Variants in FREM1 observed in about 807,000 individuals in gnomAD.
FREM1 encodes the protein FRAS1 related extracellular matrix 1, also known as FRAS1-related extracellular matrix protein 1.
In FREM1, 220 loss-of-function variants were observed where a neutral mutation model predicts 210.1. The observed-to-expected ratio is 1.05, with a 90% CI of 0.94 to 1.17. FREM1 has a LOEUF of 1.17. Among genes scored for constraint, FREM1 ranks in the 50% most tolerant of loss-of-function variants. The pLI is 0.00. For missense variants in FREM1, 3,454 were observed against 2,675.5 expected, an observed-to-expected ratio of 1.29 and a Z score of -6.42; for synonymous variants, 1,189 against 980.2, an observed-to-expected ratio of 1.21 and a Z score of -3.98.
intron 1 of FREM1, among the ~76,000 whole-genome samples, chr9:14,869,624 TC>T (rs1832215249): frequency 2.0e-5 from 3 of 152,184 alleles, no homozygotes; most frequent in African/African-American, 7.2e-5. Context: ...AGGATTATAA[TC>T]TAATTTTTTT....
intron 1 of FREM1, among the ~76,000 whole-genome samples, chr9:14,871,185 G>A (rs1332868258): frequency 6.6e-6 from 1 of 152,134 alleles, no homozygotes; most frequent in African/African-American, 2.4e-5. Context: ...TGGGATGGCT[G>A]GGTCAAATGG....
intron 8 of FREM1, among the ~76,000 whole-genome samples, chr9:14,844,032 T>C (rs1020741576): frequency 1.3e-5 from 2 of 152,196 alleles, no homozygotes; most frequent in Non-Finnish European, 2.9e-5. Context: ...AAAGTTGATA[T>C]GAGATAACAA....
At chr9:14,798,908 A>T (rs1852964438) in intron 20 of FREM1, among the ~76,000 whole-genome samples, 1 of 151,870 alleles carries the variant, frequency 6.6e-6, no homozygotes, top group Non-Finnish European at 1.5e-5. Context: ...TCCTGACCTC[A>T]AGTGATCCAC....
At chr9:14,759,601 G>A (rs530733415) in intron 28 of FREM1, among the ~76,000 whole-genome samples, 171 bp downstream of exon 28, 2 of 151,914 alleles carry the variant, frequency 1.3e-5, no homozygotes, top group East Asian at 3.9e-4. Context: ...GAACTTAGAT[G>A]ATGGATGGAG....
Position 14,737,636 on chromosome 9 carries a change from G to A in FREM1, c.6341-41C>T, listed in dbSNP as rs77892240. 2,327 of 1,391,798 alleles carry A rather than the reference G, an allele frequency of 1.7e-3. 18 individuals carry two copies. The African/African-American group carries it at 0.026, about 16-fold the overall frequency. The allele number at this position is 1,391,798 out of a possible 1,614,324, so 86.2% of individuals were successfully genotyped here. A position where few individuals can be genotyped will look rare whatever the true frequency, so the allele number is the denominator to read the frequency against. The stretch of plus-strand genomic sequence containing the variant: ...AGAATGTACCAATTACTTTTATTGC[G>A]TTTATACTTAGATATCATATCCAGC... On this transcript the variant is annotated intron_variant, in intron 36 of 36. Coordinates refer to ENST00000380880, the MANE Select transcript of FREM1 (RefSeq NM_001379081.2).
At chr9:14,807,903 C>T (rs1450098737) in intron 17 of FREM1, 37 bp downstream of exon 17, 1 of 1,460,118 alleles carries the variant, frequency 6.8e-7, no homozygotes, top group Non-Finnish European at 9.6e-7. Flanking sequence ...GACACTAGGT[C>T]AGACAATAGT....
intron 22 of FREM1, among the ~76,000 whole-genome samples, chr9:14,792,266 ACACACG>A (rs1851508813): frequency 9.9e-6 from 1 of 100,926 alleles, no homozygotes; most frequent in Non-Finnish European, 2.0e-5. Context: ...ACACCCACAC[ACACACG>A]CACACACACA....
At chr9:14,871,860 C>T (rs913459836) in intron 1 of FREM1, among the ~76,000 whole-genome samples, 2 of 152,142 alleles carry the variant, frequency 1.3e-5, no homozygotes, top group Non-Finnish European at 2.9e-5. Context: ...AGGACGGGAT[C>T]CAGTTTCAGC....
chr9:14,782,224 G>A, intron 24 of FREM1: 1 of 312,888 alleles, frequency 3.2e-6, no homozygotes, highest in Non-Finnish European at 4.6e-6. Flanking sequence ...TGAGGATCCA[G>A]AAATGTAGAA....
At chr9:14,853,601 C>G (rs1828160355) in intron 5 of FREM1, among the ~76,000 whole-genome samples, 1 of 152,164 alleles carries the variant, frequency 6.6e-6, no homozygotes, top group African/African-American at 2.4e-5. Flanking sequence ...AGATCCCTCT[C>G]TCCCATTCCC....
At chr9:14,753,812 C>A (rs1843794013) in intron 29 of FREM1, among the ~76,000 whole-genome samples, 1 of 152,162 alleles carries the variant, frequency 6.6e-6, no homozygotes, top group Non-Finnish European at 1.5e-5. Context: ...TTTCAGTTTG[C>A]AAAACTGCTT....
intron 10 of FREM1, among the ~76,000 whole-genome samples, chr9:14,828,638 C>G (rs373652663): frequency 2.5e-3 from 187 of 74,786 alleles, no homozygotes; most frequent in Middle Eastern, 6.3e-3. Flanking sequence ...TAAATTGTGG[C>G]GGGGCGGGGG....
intron 1 of FREM1, among the ~76,000 whole-genome samples, chr9:14,902,180 CT>C (rs1333394331): frequency 7.2e-5 from 11 of 152,184 alleles, no homozygotes; most frequent in African/African-American, 2.7e-4. Flanking sequence ...ACTTCCATCA[CT>C]CCTGGACAAG....
chr9:14,854,052 G>A (rs1156229455), intron 5 of FREM1, among the ~76,000 whole-genome samples: 2 of 152,124 alleles, frequency 1.3e-5, no homozygotes, highest in Non-Finnish European at 2.9e-5. Flanking sequence ...CAGGAGAAAG[G>A]ATCAATTGGA....
At chr9:14,787,438 C>G (rs1256012844) in intron 23 of FREM1, among the ~76,000 whole-genome samples, 2 of 152,160 alleles carry the variant, frequency 1.3e-5, no homozygotes, top group South Asian at 4.1e-4. Flanking sequence ...GCAGCAGAGT[C>G]TGGCAACGCA....
intron 5 of FREM1, among the ~76,000 whole-genome samples, chr9:14,854,174 T>G (rs2131446891): frequency 6.6e-6 from 1 of 152,162 alleles, no homozygotes; most frequent in Non-Finnish European, 1.5e-5. Flanking sequence ...TAAGTCCAAA[T>G]AAAACATCAA....
At chr9:14,745,197 C>G (rs539557167) in intron 35 of FREM1, among the ~76,000 whole-genome samples, 58 of 152,260 alleles carry the variant, frequency 3.8e-4, no homozygotes, top group African/African-American at 1.3e-3. Context: ...GAAATAATCT[C>G]TACAACAAAC....
intron 22 of FREM1, 43 bp from the exon 23 acceptor site, chr9:14,789,157 T>A (rs1850888446): frequency 7.1e-7 from 1 of 1,413,936 alleles, no homozygotes; most frequent in African/African-American, 1.4e-5. Context: ...GGTTTTTTCT[T>A]TTCCCCCAAC....
chr9:14,749,699 T>A (rs1242697882), intron 30 of FREM1, among the ~76,000 whole-genome samples: 2 of 152,232 alleles, frequency 1.3e-5, no homozygotes, highest in East Asian at 3.9e-4. Context: ...ATCTTTCACA[T>A]CTATTTTTCT....
Sources: allele counts gnomAD v4.1 joint callset (sites outside exome capture counted in the v4.1 genomes callset), GRCh38; gene constraint gnomAD v4.1.1; transcripts MANE v1.5; gene names NCBI Gene and HGNC (gene_info 2026-07-23, HGNC 2026-07-21).